The following TRIM3 variants were observed in gnomAD, a reference collection of about 807,000 sequenced individuals.
The protein encoded by TRIM3 is tripartite motif containing 3.
Under a neutral mutation model 66.6 loss-of-function variants are expected in TRIM3, and 13 were observed. The observed-to-expected ratio is 0.20, with a 90% CI of 0.13 to 0.31. The LOEUF (loss-of-function observed/expected upper bound fraction) is 0.31. Among genes scored for constraint, TRIM3 ranks in the 10% least tolerant of loss-of-function variants. The pLI, the probability that TRIM3 is intolerant of heterozygous loss-of-function variation, is 1.00. For synonymous variants in TRIM3, 406 were observed against 411.7 expected (o/e 0.99, Z 0.17); for missense variants, 711 against 1,020.4 (o/e 0.70, Z 4.13).
At position 6,469,129 on chromosome 11, in the gene TRIM3, G is replaced by C. The variant is rs568101529; in HGVS notation, c.-37-3397C>G. 2.6e-5 allele frequency among the ~76,000 whole-genome samples: 4 copies of C among 152,342 alleles called. No homozygotes were observed. The South Asian group carries it at 8.3e-4, about 32-fold the overall frequency. ...TGAAGGTTGGCGGAAGGACCAGGAG[G>C]CGGGAGGCAAGCTGAAGCCTCTGTC... On this transcript the variant is annotated intron_variant, in intron 1 of 11. Coordinates refer to ENST00000345851, the MANE Select transcript of TRIM3 (RefSeq NM_033278.4).
At position 6,448,894 on chromosome 11, in the gene TRIM3, G is replaced by A. The variant is rs1849607714; in HGVS notation, c.*134C>T. The A allele has an allele frequency of 1.1e-5, 12 of 1,101,026 alleles. No homozygotes were observed. Among genetic ancestry groups the A allele is most frequent in the South Asian group, 2.8e-5 (2 of 71,320 alleles). The allele number at this position is 1,101,026 out of a possible 1,614,324, so 68.2% of individuals were successfully genotyped here. On this transcript the variant is annotated 3_prime_UTR_variant, in exon 12 of 12. Transcript: ENST00000345851. ...AACCGTGGGGGTGGGGGTAGGAGAG[G>A]GAGGGCACCGGGTGCACCCATGCCC...
At chr11:6,455,438 G>A (rs1207362967) in intron 7 of TRIM3, among the ~76,000 whole-genome samples, 1 of 151,918 alleles carries the variant, frequency 6.6e-6, no homozygotes, top group Non-Finnish European at 1.5e-5. Context: ...GAAACAGAGG[G>A]AAAAAAAGGC....
chr11:6,472,500 C>G (rs976122666), intron 1 of TRIM3, among the ~76,000 whole-genome samples: 1 of 151,494 alleles, frequency 6.6e-6, no homozygotes, highest in Admixed American at 6.6e-5. Context: ...TGAACGCTCT[C>G]TATTCTAACC....
chr11:6,465,464 C>T, intron 2 of TRIM3, 101 bp downstream of exon 2: 1 of 1,457,520 alleles, frequency 6.9e-7, no homozygotes, highest in Non-Finnish European at 9.5e-7. Flanking sequence ...GCCTCACCTA[C>T]TACAGGTTTA....
rs1849958437 is a variant in TRIM3, at chr11:6,456,179, T to TG, written c.1430-5dup. ...CCTTTCTCCCTTCCACGACTGCCTG[T>TG]GGGAAGGGACAGGAGGGAAAACAAA... On this transcript the variant is annotated splice_polypyrimidine_tract_variant and splice_region_variant and intron_variant, in intron 6 of 11. Transcript: ENST00000345851. This position sits in a 1 kb window ranked among gnomAD's most constrained non-coding sequence, Gnocchi z 6.4. 2.5e-6 allele frequency: 4 copies of TG among 1,613,978 alleles called. No individual in the cohort carries two copies. The East Asian group carries it at 8.9e-5, about 36-fold the overall frequency.
intron 1 of TRIM3, among the ~76,000 whole-genome samples, chr11:6,468,353 G>A (rs1850550966): frequency 6.6e-6 from 1 of 152,174 alleles, no homozygotes; most frequent in African/African-American, 2.4e-5. Flanking sequence ...GAATACAGGA[G>A]CTCAAGAGAA....
intron 2 of TRIM3, among the ~76,000 whole-genome samples, chr11:6,464,387 T>C (rs916145406): frequency 5.9e-5 from 9 of 152,234 alleles, no homozygotes; most frequent in African/African-American, 2.2e-4. Context: ...AGTTAACTCC[T>C]ATTCATCCTC....
At chr11:6,464,023 G>A (rs1848776989) in intron 2 of TRIM3, among the ~76,000 whole-genome samples, 1 of 152,212 alleles carries the variant, frequency 6.6e-6, no homozygotes, top group South Asian at 2.1e-4. Flanking sequence ...TGCGGATAGA[G>A]GCAGTGGTGG....
In TRIM3 at chr11:6,458,350, C is replaced by A; in HGVS notation, c.132-54G>T. ...AGTGGGTGGGGTGGCATAAGTGCAC[C>A]CTTCCTTATACTTCCCATGGGTGCC... On this transcript the variant is annotated intron_variant, in intron 2 of 11. Transcript: ENST00000345851. This position sits in a 1 kb window ranked among gnomAD's most constrained non-coding sequence, Gnocchi z 6.2. 7 of 1,479,228 alleles carry A rather than the reference C, an allele frequency of 4.7e-6. No individual in the cohort carries two copies. The highest frequency in any genetic ancestry group is 6.5e-6 in the Non-Finnish European group (7 of 1,069,398). The allele number at this position is 1,479,228 out of a possible 1,614,324, so 91.6% of individuals were successfully genotyped here. A position where few individuals can be genotyped will look rare whatever the true frequency, so the allele number is the denominator to read the frequency against.
intron 7 of TRIM3, chr11:6,452,947 C>G (rs1229472551): frequency 6.6e-6 from 1 of 152,138 alleles, no homozygotes; most frequent in Non-Finnish European, 1.5e-5. Context: ...CCAAGTACCA[C>G]CCTCCGCCCT....
rs1006481105 is a variant in TRIM3 at position 6,448,685 on chromosome 11, G to A, written c.*343C>T. 4 of 587,104 alleles carry A rather than the reference G, an allele frequency of 6.8e-6. No individual in the cohort carries two copies. Among genetic ancestry groups the A allele is most frequent in the Non-Finnish European group, 1.2e-5 (4 of 328,022 alleles). The allele number at this position is 587,104 out of a possible 1,614,324, so 36.4% of individuals were successfully genotyped here. On this transcript the variant is annotated 3_prime_UTR_variant, in exon 12 of 12. Coordinates refer to ENST00000345851, the MANE Select transcript of TRIM3 (RefSeq NM_033278.4). ...TCTGTCAGTGTGTATAGGGTGGTAG[G>A]GAGACAACTAGAGGGACTCCTGTCC...
rs1377628354 is a variant in TRIM3, at chr11:6,473,820, T to C, written c.-67A>G. The C allele has an allele frequency of 6.6e-6, 1 of 151,890 alleles. No homozygotes were observed. The highest frequency in any genetic ancestry group is 1.9e-4 in the East Asian group (1 of 5,184). The allele number at this position is 151,890 out of a possible 1,614,324, so 9.4% of individuals were successfully genotyped here. The stretch of plus-strand genomic sequence containing the variant: ...TTGGAACAGGATGCGAGGGCAAAGC[T>C]CGGACTGCGGCCACTCTGAAGGGCC... On this transcript the variant is annotated 5_prime_UTR_variant, in exon 1 of 12. Transcript: ENST00000345851.
rs1849948826 is a variant in TRIM3, at chr11:6,455,984, G to A, written c.1533+88C>T. On this transcript the variant is annotated intron_variant, in intron 7 of 11. Transcript: ENST00000345851. ...CTATCTGTAGGGTTCCATCTTCCAG[G>A]AGGTGACCTGTACATTCTATCTTTT... 13 of 1,288,246 alleles carry A rather than the reference G, an allele frequency of 1.0e-5. No individual in the cohort carries two copies. In the South Asian group the frequency reaches 1.5e-4, roughly 15 times the overall value. 79.8% of individuals were successfully genotyped at this position (1,288,246 alleles called of 1,614,324 possible).
chr11:6,449,628 T>G lies in TRIM3; in HGVS notation c.1942-182A>C, dbSNP rs959754710. On this transcript the variant is annotated intron_variant, in intron 10 of 11. Transcript: ENST00000345851. This position sits in a 1 kb window ranked among gnomAD's most constrained non-coding sequence, Gnocchi z 5.3. ...CTGCCTAGTAGACATCTCTTGCTGA[T>G]GTCCATTGGGAATATCAAATCTAAC... 9.4e-6 allele frequency: 5 copies of G among 530,272 alleles called. No individual in the cohort carries two copies. Among genetic ancestry groups the G allele is most frequent in the African/African-American group, 5.7e-5 (3 of 52,698 alleles). The allele number at this position is 530,272 out of a possible 1,614,324, so 32.8% of individuals were successfully genotyped here.
At position 6,450,259 on chromosome 11, in the gene TRIM3, C is replaced by T; in HGVS notation, c.1941+292G>A. ...CTGTATCCCTTCCCACAGTTCCCTG[C>T]ACCTTCCTATCACAGAATCTATTAC... On this transcript the variant is annotated intron_variant, in intron 10 of 11. Coordinates refer to ENST00000345851, the MANE Select transcript of TRIM3 (RefSeq NM_033278.4). The surrounding 1 kb of genome is among the most constrained non-coding windows in gnomAD (Gnocchi z 4.8). 1 of 427,744 alleles carries T rather than the reference C, an allele frequency of 2.3e-6. No homozygotes were observed. 26.5% of individuals were successfully genotyped at this position (427,744 alleles called of 1,614,324 possible).
rs1473390328 is a variant in TRIM3 at position 6,456,197 on chromosome 11, A to T, written c.1430-22T>A. 1 of 1,612,914 alleles carries T rather than the reference A, an allele frequency of 6.2e-7. No individual in the cohort carries two copies. Among genetic ancestry groups the T allele is most frequent in the Non-Finnish European group, 8.5e-7 (1 of 1,179,224 alleles). ...CTGCCTGTGGGAAGGGACAGGAGGG[A>T]AAACAAAATAATTCATTCAGAGGTC... On this transcript the variant is annotated intron_variant, in intron 6 of 11. Transcript: ENST00000345851. This position sits in a 1 kb window ranked among gnomAD's most constrained non-coding sequence, Gnocchi z 6.4.
intron 8 of TRIM3, 100 bp downstream of exon 8, chr11:6,451,171 A>G (rs907564789): frequency 2.7e-5 from 42 of 1,582,640 alleles, no homozygotes; most frequent in Non-Finnish European, 3.5e-5. Flanking sequence ...GAGTAGGAGG[A>G]GGTAGGATTG....
rs1564967645 is a variant in TRIM3, at chr11:6,457,513, GT to G, written c.516-38del. Reference sequence around the variant, plus strand: ...ATATCTCATTCCAGAGTTGCTGAGGGTGGCTTTGCCGAACTTTCCCTTCTCC... The same window carrying G: ...ATATCTCATTCCAGAGTTGCTGAGGGGGCTTTGCCGAACTTTCCCTTCTCC... On this transcript the variant is annotated intron_variant, in intron 4 of 11. Coordinates refer to ENST00000345851, the MANE Select transcript of TRIM3 (RefSeq NM_033278.4). The surrounding 1 kb of genome is among the most constrained non-coding windows in gnomAD (Gnocchi z 4.5). The G allele has an allele frequency of 1.2e-6, 2 of 1,600,880 alleles. No homozygotes were observed. The highest frequency in any genetic ancestry group is 2.2e-5 in the South Asian group (2 of 90,336).
chr11:6,470,091 A>G (rs1288297777), intron 1 of TRIM3, among the ~76,000 whole-genome samples: 4 of 152,230 alleles, frequency 2.6e-5, no homozygotes, highest in African/African-American at 9.6e-5. Context: ...AAAGCAAAGG[A>G]AAACTTTGGT....
Sources: gnomAD v4.1 joint callset for allele counts (sites outside exome capture counted in the v4.1 genomes callset) on GRCh38, gnomAD v4.1.1 for gene constraint, Gnocchi (gnomAD v3.1) non-coding constraint, MANE v1.5 for transcripts, NCBI Gene and HGNC (gene_info 2026-07-23, HGNC 2026-07-21) for gene names.